ADRA1A: variants seen among roughly 807,000 people sequenced by gnomAD.
The protein encoded by ADRA1A is adrenoceptor alpha 1A, also known as alpha-1A adrenergic receptor.
Under a neutral mutation model 29.6 loss-of-function variants are expected in ADRA1A, and 31 were observed. That is an observed-to-expected ratio of 1.05 (90% CI 0.79 to 1.41). The LOEUF (loss-of-function observed/expected upper bound fraction) is 1.41, where lower values mean the gene tolerates loss of function less well. Ranked by LOEUF, ADRA1A falls within the 40% of genes most tolerant of loss-of-function variation. The probability of loss-of-function intolerance (pLI) is 0.00; values close to 1 mark genes in which losing one functional copy is unlikely to be tolerated. For synonymous variants in ADRA1A, 311 were observed against 254.3 expected (o/e 1.22, Z -2.12); for missense variants, 619 against 601.1 (o/e 1.03, Z -0.31).
chr8:26,754,244 G>A (rs564501875), downstream of ADRA1A, among the ~76,000 whole-genome samples: 2 of 152,252 alleles, frequency 1.3e-5, no homozygotes, highest in Non-Finnish European at 2.9e-5. Flanking sequence ...GATACAAAAT[G>A]TTGCCACAAA....
At chr8:26,845,680 C>A (rs1355455444) in intron 2 of ADRA1A, among the ~76,000 whole-genome samples, 2 of 152,186 alleles carry the variant, frequency 1.3e-5, no homozygotes, top group Non-Finnish European at 2.9e-5. Flanking sequence ...GCAGAAATAA[C>A]TTAAATGACC....
chr8:26,811,189 T>A (rs1288639636), intron 2 of ADRA1A, among the ~76,000 whole-genome samples: 1 of 142,700 alleles, frequency 7.0e-6, no homozygotes, highest in Non-Finnish European at 1.5e-5. Flanking sequence ...TAGCTTTCTT[T>A]CTTTTCTTTT....
At chr8:26,797,199 T>C (rs1808245009) in intron 2 of ADRA1A, among the ~76,000 whole-genome samples, 1 of 152,212 alleles carries the variant, frequency 6.6e-6, no homozygotes, top group East Asian at 1.9e-4. Context: ...TAGAACAATA[T>C]TACCCCCTCA....
intron 2 of ADRA1A, among the ~76,000 whole-genome samples, chr8:26,790,871 C>A (rs763730877): frequency 5.3e-5 from 8 of 152,126 alleles, no homozygotes; most frequent in Admixed American, 2.6e-4. Context: ...AAGGTCATAG[C>A]AACCATGTTT....
intron 2 of ADRA1A, among the ~76,000 whole-genome samples, chr8:26,786,882 A>G (rs1031417232): frequency 7.4e-6 from 1 of 135,716 alleles, no homozygotes; most frequent in African/African-American, 2.9e-5. Context: ...TAAAGATAGG[A>G]TTTGTGCCTG....
intron 2 of ADRA1A, among the ~76,000 whole-genome samples, chr8:26,818,165 G>T (rs959607512): frequency 6.6e-6 from 1 of 152,202 alleles, no homozygotes; most frequent in South Asian, 2.1e-4. Flanking sequence ...TGCCAAGGAT[G>T]GGGGTGGACA....
intron 2 of ADRA1A, among the ~76,000 whole-genome samples, chr8:26,759,636 G>C (rs1444230667): frequency 6.6e-6 from 1 of 152,146 alleles, no homozygotes; most frequent in African/African-American, 2.4e-5. Context: ...TGTGGGGCAC[G>C]AAGTACTCTG....
chr8:26,784,725 A>C (rs1807250738), intron 2 of ADRA1A, among the ~76,000 whole-genome samples: 2 of 152,208 alleles, frequency 1.3e-5, no homozygotes, highest in South Asian at 4.1e-4. Flanking sequence ...ATCTGGCATG[A>C]CTCTATTTTC....
intron 2 of ADRA1A, among the ~76,000 whole-genome samples, chr8:26,820,760 G>A (rs1187195353): frequency 6.6e-6 from 1 of 152,140 alleles, no homozygotes; most frequent in East Asian, 1.9e-4. Context: ...TAGGTAATGA[G>A]CATATATATC....
chr8:26,759,227 G>A (rs766304384), intron 2 of ADRA1A, among the ~76,000 whole-genome samples: 1 of 152,174 alleles, frequency 6.6e-6, no homozygotes, highest in African/African-American at 2.4e-5. Flanking sequence ...ACAAATGTCA[G>A]CTCTCACTTG....
In ADRA1A at chr8:26,769,423, GA is replaced by G; in HGVS notation, c.*725del. 1 of 985,350 alleles carries G rather than the reference GA, an allele frequency of 1.0e-6. No homozygotes were observed. 61.0% of individuals were successfully genotyped at this position (985,350 alleles called of 1,614,324 possible). ...GCTCAGGTCTATTGTTTTCTCTTGG[GA>G]AAAGCCATACCACCCTGGTTGGTTC... On this transcript the variant is annotated 3_prime_UTR_variant, in exon 3 of 3. Transcript: ENST00000380573.
rs1443623994 is a variant in ADRA1A, at chr8:26,805,958, C to T, written c.884-35292G>A. 6.6e-6 allele frequency among the ~76,000 whole-genome samples: 1 copy of T among 152,186 alleles called. No homozygotes were observed. The highest frequency in any genetic ancestry group is 1.5e-5 in the Non-Finnish European group (1 of 68,042). On this transcript the variant is annotated intron_variant, in intron 2 of 2. Transcript: ENST00000380573. The surrounding 1 kb of genome is among the most constrained non-coding windows in gnomAD (Gnocchi z 4.8). Reference sequence around the variant, plus strand: ...TCTATCACTGTTGCAGGTGCAGGCCCCCTCCACACCCACTCTGGAAAGCTG... The same window carrying T: ...TCTATCACTGTTGCAGGTGCAGGCCTCCTCCACACCCACTCTGGAAAGCTG...
chr8:26,759,596 T>A (rs932709587), intron 2 of ADRA1A, among the ~76,000 whole-genome samples: 3 of 152,154 alleles, frequency 2.0e-5, no homozygotes, highest in Non-Finnish European at 2.9e-5. Context: ...TCACCTCTGT[T>A]ATGACTCCAG....
Position 26,770,085 on chromosome 8 carries a change from C to T in ADRA1A, c.*64G>A, listed in dbSNP as rs866544248. On this transcript the variant is annotated 3_prime_UTR_variant, in exon 3 of 3. Coordinates refer to ENST00000380573, the MANE Select transcript of ADRA1A (RefSeq NM_000680.4). ...GTCTTGTCCTCCAAGAAGAGCTGGC[C>T]TTCCGAGAAGGAAGTGGGGTGGGTA... 1 of 1,514,042 alleles carries T rather than the reference C, an allele frequency of 6.6e-7. No homozygotes were observed. Among genetic ancestry groups the T allele is most frequent in the Non-Finnish European group, 8.8e-7 (1 of 1,132,574 alleles). The allele number at this position is 1,514,042 out of a possible 1,614,324, so 93.8% of individuals were successfully genotyped here.
downstream of ADRA1A, among the ~76,000 whole-genome samples, chr8:26,761,057 T>C (rs1488439055): frequency 6.6e-6 from 1 of 152,214 alleles, no homozygotes; most frequent in East Asian, 1.9e-4. Flanking sequence ...GCATGCTAAG[T>C]GACAGACCAT....
At chr8:26,826,962 A>G (rs1240632000) in intron 2 of ADRA1A, among the ~76,000 whole-genome samples, 2 of 152,228 alleles carry the variant, frequency 1.3e-5, no homozygotes, top group Non-Finnish European at 2.9e-5. Context: ...ACAGTTACAC[A>G]GTCTGAGGGA....
At chr8:26,827,626 T>C (rs1323796018) in intron 2 of ADRA1A, among the ~76,000 whole-genome samples, 1 of 152,070 alleles carries the variant, frequency 6.6e-6, no homozygotes, top group Non-Finnish European at 1.5e-5. Flanking sequence ...TCTTTCTTTT[T>C]TTTTTCTTTT....
intron 2 of ADRA1A, among the ~76,000 whole-genome samples, chr8:26,833,337 A>G (rs1055957130): frequency 6.6e-6 from 1 of 152,124 alleles, no homozygotes; most frequent in Non-Finnish European, 1.5e-5. Flanking sequence ...ACTGCCTTCT[A>G]TTTTTGAATG....
chr8:26,763,973 T>C (rs528913383), downstream of ADRA1A, among the ~76,000 whole-genome samples: 3 of 152,302 alleles, frequency 2.0e-5, no homozygotes, highest in South Asian at 6.2e-4. This position sits in a 1 kb window ranked among gnomAD's most constrained non-coding sequence, Gnocchi z 4.5. Flanking sequence ...TTGGTTAATC[T>C]GGGAACATCC....
Sources: allele counts gnomAD v4.1 joint callset (sites outside exome capture counted in the v4.1 genomes callset), GRCh38; gene constraint gnomAD v4.1.1; non-coding constraint Gnocchi (gnomAD v3.1); transcripts MANE v1.5; gene names NCBI Gene and HGNC (gene_info 2026-07-23, HGNC 2026-07-21).